Variants in SLC44A2 observed in about 807,000 individuals in gnomAD.
The protein encoded by SLC44A2 is solute carrier family 44 member 2 (CTL2 blood group), also known as choline transporter-like protein 2.
In SLC44A2, 57 loss-of-function variants were observed where a neutral mutation model predicts 90.8. The ratio of observed to expected loss-of-function variants is 0.63; its 90% CI spans 0.51 to 0.78. SLC44A2 has a LOEUF of 0.78. SLC44A2 is among the 30% of genes least tolerant of loss of function. The probability of loss-of-function intolerance (pLI) is 0.00; values close to 1 mark genes in which losing one functional copy is unlikely to be tolerated. For missense variants in SLC44A2, 794 were observed against 919.7 expected, an observed-to-expected ratio of 0.86 and a Z score of 1.77; for synonymous variants, 355 against 360.7, an observed-to-expected ratio of 0.98 and a Z score of 0.18.
chr19:10,614,923 A>G (rs778154559), intron 1 of SLC44A2, among the ~76,000 whole-genome samples: 1 of 145,086 alleles, frequency 6.9e-6, no homozygotes, highest in African/African-American at 2.6e-5. Context: ...GTGAGCCAAG[A>G]TTGCGCCACT....
At chr19:10,629,998 G>C (rs776082378) in intron 4 of SLC44A2, among the ~76,000 whole-genome samples, 2 of 152,058 alleles carry the variant, frequency 1.3e-5, no homozygotes, top group African/African-American at 4.8e-5. Flanking sequence ...CAGGTGATCC[G>C]CCTGCCTTGG....
chr19:10,641,014 G>C (rs769465190), intron 20 of SLC44A2: 2 of 373,156 alleles, frequency 5.4e-6, no homozygotes, highest in South Asian at 4.0e-5. Flanking sequence ...TTGAACCCGG[G>C]AGGTGGAGGT....
At chr19:10,620,992 T>C (rs2066891261), upstream of SLC44A2, among the ~76,000 whole-genome samples, 3 of 151,974 alleles carry the variant, frequency 2.0e-5, no homozygotes, top group Admixed American at 6.6e-5. Flanking sequence ...TGAGCTATGA[T>C]TGCTCCACTG....
chr19:10,638,546 C>G (rs1034954836), intron 20 of SLC44A2, among the ~76,000 whole-genome samples: 2 of 151,982 alleles, frequency 1.3e-5, no homozygotes, highest in Non-Finnish European at 2.9e-5. Context: ...CGGGTTCAAG[C>G]GAATTCTCGA....
intron 20 of SLC44A2, 99 bp from the exon 21 acceptor site, chr19:10,642,268 G>A: frequency 1.0e-6 from 1 of 972,176 alleles, no homozygotes; most frequent in South Asian, 1.3e-5. Flanking sequence ...GGGTTTCTCA[G>A]CAGGGGAAGG....
chr19:10,636,568 C>T lies in SLC44A2; in HGVS notation c.1479C>T (p.Ala493=), dbSNP rs1317991762. The part of the protein sequence containing the change: ...DDLPAFPLFS[A]FGRALRYHTG... ...TGCCGGCCTTCCCGCTCTTCTCTGC[C>T]TTTGGCCGGGCGCTCAGGTGGGCTG... The change falls in exon 15 of 22, where the codon GCC becomes GCT. Residue 493 remains alanine, a synonymous_variant. Transcript: ENST00000335757. 1 of 1,605,758 alleles carries T rather than the reference C, an allele frequency of 6.2e-7. No homozygotes were observed. The highest frequency in any genetic ancestry group is 1.7e-5 in the Admixed American group (1 of 59,892).
chr19:10,625,755 G>A, intron 1 of SLC44A2, 85 bp downstream of exon 1: 1 of 1,112,064 alleles, frequency 9.0e-7, no homozygotes. Flanking sequence ...GCGCAGGGAA[G>A]GGGGCTGGAG....
chr19:10,637,094 G>A (rs142700979), intron 16 of SLC44A2: 98 of 253,558 alleles, frequency 3.9e-4, no homozygotes, highest in Middle Eastern at 2.7e-3. Flanking sequence ...CGTGACTCAC[G>A]CCTGTAATCC....
At chr19:10,625,194 C>T (rs1210005238), upstream of SLC44A2, 1 of 171,292 alleles carries the variant, frequency 5.8e-6, no homozygotes, top group Non-Finnish European at 1.2e-5. Context: ...GAGAAGTTTT[C>T]AGCACCAACA....
intron 1 of SLC44A2, among the ~76,000 whole-genome samples, chr19:10,620,125 A>G (rs552252068): frequency 6.6e-6 from 1 of 152,204 alleles, no homozygotes; most frequent in South Asian, 2.1e-4. Context: ...GCAGTGAGCC[A>G]AGATTGTTTC....
chr19:10,615,539 G>A (rs898651738), intron 1 of SLC44A2, among the ~76,000 whole-genome samples: 17 of 151,160 alleles, frequency 1.1e-4, no homozygotes, highest in African/African-American at 4.1e-4. Flanking sequence ...ACACCAGTGC[G>A]CTCCAGCCTG....
chr19:10,615,468 G>A (rs932998125), intron 1 of SLC44A2, among the ~76,000 whole-genome samples: 13 of 152,100 alleles, frequency 8.5e-5, no homozygotes, highest in Middle Eastern at 3.4e-3. Flanking sequence ...CCGCTACTCG[G>A]GAGGCTGAGG....
In SLC44A2 at chr19:10,631,542, CAG is replaced by C; in HGVS notation, c.502+8_502+9del. The C allele has an allele frequency of 6.2e-7, 1 of 1,613,986 alleles. No homozygotes were observed. Among genetic ancestry groups the C allele is most frequent in the Admixed American group, 1.7e-5 (1 of 59,988 alleles). ...CTCATCCCCAGCAAACCCTGTGAGT[CAG>C]GGGATCCCAGGAGGCTCAGGTGGTG... On this transcript the variant is annotated splice_region_variant and intron_variant, in intron 7 of 21. Transcript: ENST00000335757.
chr19:10,634,374 G>A (rs1210498694), intron 10 of SLC44A2, among the ~76,000 whole-genome samples: 1 of 151,044 alleles, frequency 6.6e-6, no homozygotes, highest in East Asian at 2.0e-4. Context: ...TGAGGCAGGA[G>A]AATCGCTTGA....
At position 10,635,089 on chromosome 19, in the gene SLC44A2, G is replaced by A. The variant is rs779990902; in HGVS notation, c.1055+16G>A. The A allele has an allele frequency of 9.2e-5, 148 of 1,613,790 alleles. No homozygotes were observed. In the Admixed American group the frequency reaches 1.1e-3, roughly 12 times the overall value. On this transcript the variant is annotated intron_variant, in intron 12 of 21. Coordinates refer to ENST00000335757, the MANE Select transcript of SLC44A2 (RefSeq NM_020428.4). ...AAGCCAGCAGGTGGGGGGCCAGGGT[G>A]CCAGGGGCCAGGATGGAGCTGTCCC...
chr19:10,623,436 T>G (rs1201334192), upstream of SLC44A2, among the ~76,000 whole-genome samples: 1 of 152,172 alleles, frequency 6.6e-6, no homozygotes, highest in Non-Finnish European at 1.5e-5. Context: ...TCATGCTGTC[T>G]GTGTACACCC....
chr19:10,621,567 C>A (rs1379344413), upstream of SLC44A2, among the ~76,000 whole-genome samples: 3 of 151,506 alleles, frequency 2.0e-5, no homozygotes, highest in Admixed American at 6.6e-5. Flanking sequence ...CCTCCACCTC[C>A]CAAGTTGCTG....
chr19:10,626,233 T>C lies in SLC44A2; in HGVS notation c.38-20T>C. On this transcript the variant is annotated intron_variant, in intron 1 of 21. Transcript: ENST00000335757. ...GTTCAGGTCTCCAATCCCATCCATC[T>C]TAATCTTCTTGACTTTCAGGAACGC... The C allele has an allele frequency of 6.2e-7, 1 of 1,608,530 alleles. No homozygotes were observed. The highest frequency in any genetic ancestry group is 1.3e-5 in the African/African-American group (1 of 74,908).
At chr19:10,639,046 G>A (rs946306267) in intron 20 of SLC44A2, among the ~76,000 whole-genome samples, 10 of 152,040 alleles carry the variant, frequency 6.6e-5, no homozygotes, top group African/African-American at 1.4e-4. Context: ...TGATCCACCC[G>A]CCTCAGCTTC....
Sources: gnomAD v4.1 joint callset for allele counts (sites outside exome capture counted in the v4.1 genomes callset) on GRCh38, gnomAD v4.1.1 for gene constraint, MANE v1.5 for transcripts, NCBI Gene and HGNC (gene_info 2026-07-23, HGNC 2026-07-21) for gene names.